The following RASSF6 variants were observed in gnomAD, a reference collection of about 807,000 sequenced individuals.
The protein encoded by RASSF6 is ras association domain-containing protein 6.
RASSF6 carries 52 observed loss-of-function variants against 44.0 expected under a neutral mutation model. The observed-to-expected ratio is 1.18, with a 90% CI of 0.95 to 1.49. RASSF6 has a LOEUF of 1.49. Among genes scored for constraint, RASSF6 ranks in the 40% most tolerant of loss-of-function variants. The pLI is 0.00. For synonymous variants in RASSF6, 162 were observed against 124.6 expected, an observed-to-expected ratio of 1.30 and a Z score of -2.00; for missense variants, 464 against 393.3, an observed-to-expected ratio of 1.18 and a Z score of -1.52.
intron 2 of RASSF6, among the ~76,000 whole-genome samples, chr4:73,610,440 G>A (rs1359679328): frequency 6.6e-6 from 1 of 152,104 alleles, no homozygotes; most frequent in East Asian, 1.9e-4. Flanking sequence ...TCCTTCCACA[G>A]CTTCTCATCT....
At chr4:73,608,269 A>T (rs1725782705) in intron 2 of RASSF6, among the ~76,000 whole-genome samples, 1 of 151,852 alleles carries the variant, frequency 6.6e-6, no homozygotes, top group Admixed American at 6.6e-5. Context: ...CAGACAAATG[A>T]TCTCATCGTT....
At chr4:73,576,814 G>A (rs1419224332) in intron 8 of RASSF6, 83 bp from the exon 9 acceptor site, 32 of 872,556 alleles carry the variant, frequency 3.7e-5, no homozygotes, top group African/African-American at 6.8e-5. Context: ...TTTATTTTTC[G>A]TATTTAACTC....
rs1723033028 is a variant in RASSF6 at position 73,573,590 on chromosome 4, C to T, written c.*2645G>A. 1 of 152,160 alleles carries T rather than the reference C, an allele frequency of 6.6e-6. No homozygotes were observed. Among genetic ancestry groups the T allele is most frequent in the African/African-American group, 2.4e-5 (1 of 41,442 alleles). The allele number at this position is 152,160 out of a possible 1,614,324, so 9.4% of individuals were successfully genotyped here. A position where few individuals can be genotyped will look rare whatever the true frequency, so the allele number is the denominator to read the frequency against. ...CTTACAAGTAGAATTATAGGATAAA[C>T]AGACTACTAAATTGCCTTCAAGAAA... On this transcript the variant is annotated 3_prime_UTR_variant, in exon 11 of 11. Transcript: ENST00000307439.
chr4:73,580,019 C>T (rs1211904631), intron 8 of RASSF6, among the ~76,000 whole-genome samples: 1 of 120,968 alleles, frequency 8.3e-6, no homozygotes, highest in African/African-American at 3.0e-5. Context: ...CTATCCCTCC[C>T]CCCTCCCCCG....
Position 73,576,228 on chromosome 4 carries a change from T to G in RASSF6, c.*7A>C. ...TTGAAATGTTTTAGCAATAGAAGCT[T>G]GTACTGCTAAACTGTTGTCTCTGTT... On this transcript the variant is annotated 3_prime_UTR_variant, in exon 11 of 11. Transcript: ENST00000307439. 1.3e-6 allele frequency: 2 copies of G among 1,493,998 alleles called. No individual in the cohort carries two copies. The highest frequency in any genetic ancestry group is 1.9e-6 in the Non-Finnish European group (2 of 1,081,010). 92.5% of individuals were successfully genotyped at this position (1,493,998 alleles called of 1,614,324 possible).
In RASSF6 at chr4:73,576,154, G is replaced by A; in HGVS notation, c.*81C>T. 3 of 716,558 alleles carry A rather than the reference G, an allele frequency of 4.2e-6. No individual in the cohort carries two copies. Among genetic ancestry groups the A allele is most frequent in the Non-Finnish European group, 7.0e-6 (3 of 431,382 alleles). The allele number at this position is 716,558 out of a possible 1,614,324, so 44.4% of individuals were successfully genotyped here. A position where few individuals can be genotyped will look rare whatever the true frequency, so the allele number is the denominator to read the frequency against. ...AAGTCTCATATATGTTCGTATAAATGCAAGTACAGAACTTATGCATTCATC... is the reference window on the plus strand; with the variant it reads ...AAGTCTCATATATGTTCGTATAAATACAAGTACAGAACTTATGCATTCATC... On this transcript the variant is annotated 3_prime_UTR_variant, in exon 11 of 11. Transcript: ENST00000307439.
intron 1 of RASSF6, among the ~76,000 whole-genome samples, chr4:73,612,286 G>A (rs117795357): frequency 6.6e-6 from 1 of 152,238 alleles, no homozygotes; most frequent in East Asian, 1.9e-4. Context: ...GGAAACTGTG[G>A]TCAGATGTGA....
rs1206299391 is a variant in RASSF6, at chr4:73,603,672, T to C, written c.66-4954A>G. On this transcript the variant is annotated intron_variant, in intron 2 of 10. Coordinates refer to ENST00000307439, the MANE Select transcript of RASSF6 (RefSeq NM_177532.5). ...ATTCTGACGTTTGCCATGAATAATGTACTTAGCATGAAATGAGTTCCTCAA... is the reference window on the plus strand; with the variant it reads ...ATTCTGACGTTTGCCATGAATAATGCACTTAGCATGAAATGAGTTCCTCAA... Among the ~76,000 whole-genome samples, 4 of 152,356 alleles carry C rather than the reference T, an allele frequency of 2.6e-5. No homozygotes were observed. In the East Asian group the frequency reaches 7.7e-4, roughly 29 times the overall value.
At chr4:73,616,521 C>A (rs1288814692) in intron 1 of RASSF6, among the ~76,000 whole-genome samples, 1 of 151,966 alleles carries the variant, frequency 6.6e-6, no homozygotes, top group African/African-American at 2.4e-5. Context: ...ATATTGAATA[C>A]ATCCAACATA....
chr4:73,582,839 A>AACACAC (rs141094236), intron 6 of RASSF6, among the ~76,000 whole-genome samples: 4 of 151,638 alleles, frequency 2.6e-5, no homozygotes, highest in Admixed American at 1.3e-4. Flanking sequence ...CCACACATGT[A>AACACAC]ACACGCACAC....
upstream of RASSF6, chr4:73,620,443 A>T: frequency 6.5e-7 from 1 of 1,547,474 alleles, no homozygotes; most frequent in South Asian, 1.2e-5. Context: ...ACTCACCTGT[A>T]GGGGAGGTCC....
chr4:73,586,386 C>A (rs1008271273), intron 5 of RASSF6, among the ~76,000 whole-genome samples: 1 of 151,850 alleles, frequency 6.6e-6, no homozygotes, highest in Non-Finnish European at 1.5e-5. Context: ...TATAGTGTAG[C>A]GTTGAACAAC....
At chr4:73,617,002 G>C (rs1486243792) in intron 1 of RASSF6, among the ~76,000 whole-genome samples, 1 of 152,154 alleles carries the variant, frequency 6.6e-6, no homozygotes, top group African/African-American at 2.4e-5. Flanking sequence ...ACAGAGTGAT[G>C]GTTTCTGGGA....
intron 3 of RASSF6, among the ~76,000 whole-genome samples, chr4:73,594,516 A>T (rs550999666): frequency 2.0e-5 from 3 of 152,268 alleles, no homozygotes; most frequent in South Asian, 4.1e-4. Flanking sequence ...GGCTACCTTT[A>T]AACTTGGGCT....
chr4:73,612,929 T>A (rs1466771361), intron 1 of RASSF6, among the ~76,000 whole-genome samples: 1 of 152,124 alleles, frequency 6.6e-6, no homozygotes, highest in Non-Finnish European at 1.5e-5. Context: ...CACCAGGCCT[T>A]GTAATCTAAT....
At chr4:73,596,384 A>G (rs1395040094) in intron 3 of RASSF6, among the ~76,000 whole-genome samples, 1 of 152,150 alleles carries the variant, frequency 6.6e-6, no homozygotes, top group Non-Finnish European at 1.5e-5. Flanking sequence ...AACTCCCACA[A>G]AAAGAATAAA....
At chr4:73,602,464 T>C (rs1725335462) in intron 2 of RASSF6, among the ~76,000 whole-genome samples, 1 of 152,180 alleles carries the variant, frequency 6.6e-6, no homozygotes, top group Admixed American at 6.5e-5. Context: ...CATTGTATGG[T>C]TTAGAAGAAC....
chr4:73,582,623 A>T (rs191091000), intron 6 of RASSF6, among the ~76,000 whole-genome samples: 49 of 152,206 alleles, frequency 3.2e-4, no homozygotes, highest in Admixed American at 3.1e-3. Context: ...ACGGATAGAG[A>T]TATTAAGTAA....
intron 3 of RASSF6, among the ~76,000 whole-genome samples, chr4:73,596,177 A>G (rs1724929875): frequency 6.6e-6 from 1 of 151,924 alleles, no homozygotes; most frequent in Non-Finnish European, 1.5e-5. Flanking sequence ...ACGTTCAAAT[A>G]GCAAGAGAGG....
Sources: gnomAD v4.1 joint callset for allele counts (sites outside exome capture counted in the v4.1 genomes callset) on GRCh38, gnomAD v4.1.1 for gene constraint, MANE v1.5 for transcripts, NCBI Gene and HGNC (gene_info 2026-07-23, HGNC 2026-07-21) for gene names.